PATJ: variants seen among roughly 807,000 people sequenced by gnomAD.
PATJ encodes the protein inaD-like protein.
In PATJ, 190 loss-of-function variants were observed where a neutral mutation model predicts 224.9. The observed-to-expected ratio is 0.84, with a 90% CI of 0.75 to 0.95. PATJ has a LOEUF of 0.95. Ranked by LOEUF, PATJ falls within the 40% of genes least tolerant of loss-of-function variation. The pLI is 0.00. For missense variants in PATJ, 2,121 were observed against 2,270.3 expected (o/e 0.93, Z 1.34); for synonymous variants, 769 against 820.3 (o/e 0.94, Z 1.07).
intron 20 of PATJ, among the ~76,000 whole-genome samples, chr1:61,866,600 TC>T (rs1665459253): frequency 6.6e-6 from 1 of 152,060 alleles, no homozygotes; most frequent in Non-Finnish European, 1.5e-5. Flanking sequence ...TTTATTCTTA[TC>T]TCAAGTGTCA....
Position 61,777,373 on chromosome 1 carries a change from T to C in PATJ, c.849+2039T>C, listed in dbSNP as rs191290804. Among the ~76,000 whole-genome samples the C allele has an allele frequency of 2.6e-4, 39 of 152,148 alleles. No homozygotes were observed. In the East Asian group the frequency reaches 7.4e-3, roughly 29 times the overall value. On this transcript the variant is annotated intron_variant, in intron 7 of 43. Coordinates refer to ENST00000642238, the MANE Select transcript of PATJ (RefSeq NM_001350145.3). ...TGAGCCCAGGAGTTCGATACCAGCCTGTGCAATATGGCAAAACCCTGTCTC... is the reference window on the plus strand; with the variant it reads ...TGAGCCCAGGAGTTCGATACCAGCCCGTGCAATATGGCAAAACCCTGTCTC...
intron 27 of PATJ, among the ~76,000 whole-genome samples, chr1:61,965,380 G>A (rs540461916): frequency 1.1e-4 from 17 of 152,070 alleles, no homozygotes; most frequent in Admixed American, 2.6e-4. Flanking sequence ...ATGGTAATTA[G>A]GGTCAGTAGA....
intron 17 of PATJ, among the ~76,000 whole-genome samples, chr1:61,852,124 A>AAG (rs1157666899): frequency 2.0e-5 from 3 of 149,728 alleles, no homozygotes; most frequent in Non-Finnish European, 4.4e-5. Context: ...TGTCTTAAAA[A>AAG]AAAAAAAAAA....
intron 31 of PATJ, among the ~76,000 whole-genome samples, chr1:62,076,566 T>C (rs778596913): frequency 3.3e-5 from 5 of 152,218 alleles, no homozygotes; most frequent in South Asian, 4.1e-4. Flanking sequence ...TATGTATATA[T>C]GTTTGGACAT....
chr1:61,860,930 C>T (rs1330843369), intron 18 of PATJ, among the ~76,000 whole-genome samples: 1 of 151,726 alleles, frequency 6.6e-6, no homozygotes, highest in East Asian at 1.9e-4. Flanking sequence ...GGATATGTAG[C>T]GTTTGGCAAA....
chr1:61,742,861 G>C (rs1347416526), intron 1 of PATJ, among the ~76,000 whole-genome samples: 1 of 151,262 alleles, frequency 6.6e-6, no homozygotes, highest in Non-Finnish European at 1.5e-5. Flanking sequence ...GCCCCGCCGC[G>C]CAGGGCTCGC....
chr1:61,904,200 C>T (rs751134334), intron 24 of PATJ, among the ~76,000 whole-genome samples: 10 of 151,982 alleles, frequency 6.6e-5, no homozygotes, highest in South Asian at 2.1e-4. Context: ...ATAAGTGAGA[C>T]GAATTCACTT....
At chr1:62,100,882 T>TA (rs1439621770) in intron 33 of PATJ, among the ~76,000 whole-genome samples, 2 of 152,128 alleles carry the variant, frequency 1.3e-5, no homozygotes, top group Non-Finnish European at 2.9e-5. Flanking sequence ...CTAATGAACT[T>TA]ACGTAGTGGT....
At chr1:61,828,573 G>A (rs148409292) in intron 16 of PATJ, among the ~76,000 whole-genome samples, 42 of 151,526 alleles carry the variant, frequency 2.8e-4, no homozygotes, top group Middle Eastern at 3.4e-3. Flanking sequence ...AATTTTTTTC[G>A]TACAGTCAGG....
At chr1:62,103,975 A>T (rs539420333) in intron 33 of PATJ, among the ~76,000 whole-genome samples, 1 of 152,162 alleles carries the variant, frequency 6.6e-6, no homozygotes, top group African/African-American at 2.4e-5. Context: ...CTTTGCCTCT[A>T]TAGCCTGTCT....
intron 31 of PATJ, among the ~76,000 whole-genome samples, chr1:62,075,657 G>A (rs931985195): frequency 1.3e-5 from 2 of 152,060 alleles, no homozygotes; most frequent in African/African-American, 4.8e-5. Context: ...AGTGGCTCAC[G>A]CCTGTAATCC....
At chr1:61,762,968 C>T (rs1646049338) in intron 2 of PATJ, 45 bp from the exon 3 acceptor site, 2 of 1,537,580 alleles carry the variant, frequency 1.3e-6, no homozygotes, top group Non-Finnish European at 1.8e-6. Context: ...AATGGAATCT[C>T]AAATGGGACT....
chr1:61,920,766 G>A (rs1454410257), intron 26 of PATJ, among the ~76,000 whole-genome samples: 1 of 140,800 alleles, frequency 7.1e-6, no homozygotes, highest in African/African-American at 2.7e-5. Flanking sequence ...GGAGTGCAGT[G>A]GAGTGATCTC....
intron 28 of PATJ, among the ~76,000 whole-genome samples, chr1:62,002,388 C>A (rs72677913): frequency 6.6e-6 from 1 of 152,048 alleles, no homozygotes; most frequent in African/African-American, 2.4e-5. Flanking sequence ...AGGACTGATT[C>A]ACTAACAAGA....
At chr1:62,092,985 C>T (rs1276343481) in intron 33 of PATJ, among the ~76,000 whole-genome samples, 14 of 152,036 alleles carry the variant, frequency 9.2e-5, no homozygotes, top group Admixed American at 3.9e-4. Context: ...TCAGGCAATC[C>T]GCCCGCCTCA....
rs1223383945 is a variant in PATJ, at chr1:61,796,724, T to TTCTTTCTTTCTTTTTC, written c.1261-562_1261-561insCTTTCTTTCTTTTTCT. 3.7e-3 allele frequency among the ~76,000 whole-genome samples: 194 copies of TTCTTTCTTTCTTTTTC among 52,656 alleles called. 2 individuals are homozygous for TTCTTTCTTTCTTTTTC. Among genetic ancestry groups the TTCTTTCTTTCTTTTTC allele is most frequent in the Non-Finnish European group, 4.4e-3 (120 of 27,190 alleles). The allele number at this position is 52,656 out of a possible 152,430, so 34.5% of individuals were successfully genotyped here. On this transcript the variant is annotated intron_variant, in intron 10 of 43. Coordinates refer to ENST00000642238, the MANE Select transcript of PATJ (RefSeq NM_001350145.3). Reference sequence around the variant, plus strand: ...TTTCTTTCTTTCTTTCTTTCTTTCTTTTTCTTTCTTTCTTTCTTTTTTTTC... The same window carrying TTCTTTCTTTCTTTTTC: ...TTTCTTTCTTTCTTTCTTTCTTTCTTTCTTTCTTTCTTTTTCTTTCTTTCTTTCTTTCTTTTTTTTC...
intron 27 of PATJ, among the ~76,000 whole-genome samples, chr1:61,944,011 C>G (rs1342606505): frequency 6.6e-6 from 1 of 152,208 alleles, no homozygotes; most frequent in Non-Finnish European, 1.5e-5. Flanking sequence ...AGGGTCCTGA[C>G]TGTTAGAAGG....
chr1:61,880,754 A>G (rs1337963233), intron 21 of PATJ, among the ~76,000 whole-genome samples: 1 of 152,216 alleles, frequency 6.6e-6, no homozygotes, highest in African/African-American at 2.4e-5. Context: ...GATATTTTAA[A>G]TATTTTTTCT....
chr1:61,961,156 C>T (rs770705840), intron 27 of PATJ, among the ~76,000 whole-genome samples: 3 of 152,128 alleles, frequency 2.0e-5, no homozygotes, highest in Non-Finnish European at 4.4e-5. Flanking sequence ...GGGAGGCACT[C>T]AGATGATTTA....
Sources: allele counts gnomAD v4.1 joint callset (sites outside exome capture counted in the v4.1 genomes callset), GRCh38; gene constraint gnomAD v4.1.1; transcripts MANE v1.5; gene names NCBI Gene and HGNC (gene_info 2026-07-23, HGNC 2026-07-21).